The following WDR27 variants were observed in gnomAD, a reference collection of about 807,000 sequenced individuals.
The protein encoded by WDR27 is WD repeat domain 27, also known as WD repeat-containing protein 27.
WDR27 carries 100 observed loss-of-function variants against 114.4 expected under a neutral mutation model. The ratio of observed to expected loss-of-function variants is 0.87; its 90% CI spans 0.74 to 1.03. WDR27 has a LOEUF of 1.03. WDR27 is among the 50% of genes least tolerant of loss of function. The pLI is 0.00. For missense variants in WDR27, 1,129 were observed against 1,092.9 expected, an observed-to-expected ratio of 1.03 and a Z score of -0.47; for synonymous variants, 449 against 423.1, an observed-to-expected ratio of 1.06 and a Z score of -0.75.
intron 22 of WDR27, among the ~76,000 whole-genome samples, chr6:169,603,031 G>A (rs901157978): frequency 4.6e-5 from 7 of 151,918 alleles, no homozygotes; most frequent in Admixed American, 2.6e-4. Flanking sequence ...TAGGAGAGAC[G>A]TGGTTTCACC....
chr6:169,481,589 T>C (rs975802222), intron 25 of WDR27, among the ~76,000 whole-genome samples: 1 of 152,192 alleles, frequency 6.6e-6, no homozygotes, highest in Admixed American at 6.5e-5. Context: ...CTGAGGCCAG[T>C]GAGACCATGA....
chr6:169,508,185 C>A (rs1345083204), intron 25 of WDR27, among the ~76,000 whole-genome samples: 1 of 152,150 alleles, frequency 6.6e-6, no homozygotes, highest in Non-Finnish European at 1.5e-5. Flanking sequence ...GCCCAACTCA[C>A]AGGACAGCAG....
intron 25 of WDR27, among the ~76,000 whole-genome samples, chr6:169,486,354 T>C (rs2115412592): frequency 6.6e-6 from 1 of 152,282 alleles, no homozygotes; most frequent in East Asian, 1.9e-4. Flanking sequence ...CCCAGTGTAC[T>C]ATCATGTGGG....
chr6:169,464,957 T>C (rs997866063), intron 25 of WDR27, among the ~76,000 whole-genome samples: 1 of 150,600 alleles, frequency 6.6e-6, no homozygotes, highest in Non-Finnish European at 1.5e-5. Context: ...ACCCCATCTC[T>C]ACTAAAAATA....
the WDR27 span, among the ~76,000 whole-genome samples, chr6:169,432,397 G>T: frequency 6.6e-6 from 1 of 152,126 alleles, no homozygotes. Flanking sequence ...GATAGGGTTT[G>T]GCTGTGTCCC....
intron 25 of WDR27, among the ~76,000 whole-genome samples, chr6:169,545,302 T>C (rs1797326780): frequency 6.6e-6 from 1 of 152,172 alleles, no homozygotes; most frequent in Non-Finnish European, 1.5e-5. Context: ...TATAAAACTT[T>C]TAGAAAAACA....
chr6:169,584,229 C>A (rs912059201), intron 23 of WDR27, among the ~76,000 whole-genome samples: 1 of 152,198 alleles, frequency 6.6e-6, no homozygotes, highest in Non-Finnish European at 1.5e-5. Context: ...GGTCCATCCA[C>A]ACTGTGGCAA....
At chr6:169,649,005 C>G (rs916672016) in intron 15 of WDR27, among the ~76,000 whole-genome samples, 193 bp downstream of exon 15, 1 of 152,110 alleles carries the variant, frequency 6.6e-6, no homozygotes, top group African/African-American at 2.4e-5. Flanking sequence ...CAGACCATGT[C>G]TGAAAAATTA....
intron 24 of WDR27, among the ~76,000 whole-genome samples, chr6:169,576,950 A>C (rs542635831): frequency 8.0e-6 from 1 of 124,974 alleles, no homozygotes; most frequent in African/African-American, 3.4e-5. Flanking sequence ...ATTAGCACAG[A>C]CAGAATTATG....
chr6:169,434,162 CATGCCTATGTCCTCGATGGTA>C, the WDR27 span, among the ~76,000 whole-genome samples: 1 of 152,130 alleles, frequency 6.6e-6, no homozygotes, highest in African/African-American at 2.4e-5. Context: ...AGTCTTTGTC[CATGCCTATGTCCTCGATGGTA>C]TTGCCTAGGT....
At chr6:169,550,169 A>T (rs1797913887) in intron 25 of WDR27, among the ~76,000 whole-genome samples, 1 of 152,232 alleles carries the variant, frequency 6.6e-6, no homozygotes, top group Non-Finnish European at 1.5e-5. Context: ...CTGTGAACCT[A>T]AAACTGCTCT....
At chr6:169,574,115 C>A (rs1217200826) in intron 24 of WDR27, among the ~76,000 whole-genome samples, 1 of 152,288 alleles carries the variant, frequency 6.6e-6, no homozygotes, top group African/African-American at 2.4e-5. Context: ...TGGCGCGCAG[C>A]TGCAGTTCCT....
intron 25 of WDR27, among the ~76,000 whole-genome samples, chr6:169,499,366 G>A (rs1012262137): frequency 6.6e-6 from 1 of 152,234 alleles, no homozygotes; most frequent in Non-Finnish European, 1.5e-5. Flanking sequence ...TGTGATGACA[G>A]CATCTGGATG....
At chr6:169,598,640 G>C (rs1364386519) in intron 23 of WDR27, among the ~76,000 whole-genome samples, 1 of 152,196 alleles carries the variant, frequency 6.6e-6, no homozygotes, top group Non-Finnish European at 1.5e-5. Flanking sequence ...GATGTGCAGA[G>C]GAGGAAAGGC....
chr6:169,585,123 T>C (rs527975258), intron 23 of WDR27, among the ~76,000 whole-genome samples: 2 of 152,150 alleles, frequency 1.3e-5, no homozygotes, highest in Admixed American at 1.3e-4. Flanking sequence ...AAGAATGAAA[T>C]TGGACCTTTA....
At chr6:169,546,774 T>G (rs539572481) in intron 25 of WDR27, among the ~76,000 whole-genome samples, 49 of 152,298 alleles carry the variant, frequency 3.2e-4, no homozygotes, top group African/African-American at 1.1e-3. Flanking sequence ...AATCTCCAGC[T>G]GTCTGGCCAT....
rs187528683 is a variant in WDR27 at position 169,699,871 on chromosome 6, G to C, written c.-8+1680C>G. Among the ~76,000 whole-genome samples the C allele has an allele frequency of 3.3e-4, 50 of 152,174 alleles. No homozygotes were observed. The Middle Eastern group carries it at 0.01, about 31-fold the overall frequency. ...GCAGTGCATGCTTGTAGCCCCAGCT[G>C]CTGGGGAGGCTGAGGTGGGAGGATC... On this transcript the variant is annotated intron_variant, in intron 1 of 25. Coordinates refer to ENST00000448612, the MANE Select transcript of WDR27 (RefSeq NM_182552.5).
intron 25 of WDR27, among the ~76,000 whole-genome samples, chr6:169,503,154 G>T (rs1791560439): frequency 1.3e-5 from 2 of 152,130 alleles, no homozygotes; most frequent in African/African-American, 4.8e-5. Context: ...GCAGGGCCTG[G>T]GGTGAAAACA....
At chr6:169,664,370 G>A (rs1177349936) in intron 7 of WDR27, 84 bp from the exon 8 acceptor site, 2 of 1,601,304 alleles carry the variant, frequency 1.2e-6, no homozygotes, top group East Asian at 2.2e-5. Flanking sequence ...GGAGCAGGGA[G>A]GGCAGACACG....
Sources: gnomAD v4.1 joint callset for allele counts (sites outside exome capture counted in the v4.1 genomes callset) on GRCh38, gnomAD v4.1.1 for gene constraint, MANE v1.5 for transcripts, NCBI Gene and HGNC (gene_info 2026-07-23, HGNC 2026-07-21) for gene names.